The following MARCHF8 variants were observed in gnomAD, a reference collection of about 807,000 sequenced individuals.
MARCHF8 encodes the protein E3 ubiquitin-protein ligase MARCHF8.
A neutral mutation model predicts 51.6 loss-of-function variants in MARCHF8; 40 were observed. The observed-to-expected ratio is 0.77, with a 90% CI of 0.60 to 1.01. The LOEUF (loss-of-function observed/expected upper bound fraction) is 1.01, where lower values mean the gene tolerates loss of function less well. Ranked by LOEUF, MARCHF8 falls within the 50% of genes least tolerant of loss-of-function variation. The probability of loss-of-function intolerance (pLI) is 0.00; values close to 1 mark genes in which losing one functional copy is unlikely to be tolerated. For missense variants in MARCHF8, 685 were observed against 708.6 expected (o/e 0.97, Z 0.38); for synonymous variants, 263 against 280.3 (o/e 0.94, Z 0.62).
At chr10:45,567,150 T>C (rs573247963) in intron 1 of MARCHF8, among the ~76,000 whole-genome samples, 1 of 152,352 alleles carries the variant, frequency 6.6e-6, no homozygotes, top group African/African-American at 2.4e-5. Context: ...ATAGAGTTAG[T>C]AGAACTCCTT....
chr10:45,499,580 AT>A (rs2043240082), intron 2 of MARCHF8, among the ~76,000 whole-genome samples: 1 of 152,166 alleles, frequency 6.6e-6, no homozygotes, highest in Non-Finnish European at 1.5e-5. Flanking sequence ...TCTTAGATCC[AT>A]TTTGAGCTAA....
chr10:45,490,355 G>A (rs2043059437), intron 2 of MARCHF8, among the ~76,000 whole-genome samples: 1 of 152,112 alleles, frequency 6.6e-6, no homozygotes, highest in African/African-American at 2.4e-5. Context: ...TAATCCTAGT[G>A]GACTCTAATC....
intron 2 of MARCHF8, among the ~76,000 whole-genome samples, chr10:45,520,455 G>GA (rs1034413134): frequency 3.3e-5 from 5 of 152,112 alleles, no homozygotes; most frequent in African/African-American, 7.2e-5. Flanking sequence ...TCATACTGGG[G>GA]AAAAAAATCA....
intron 2 of MARCHF8, among the ~76,000 whole-genome samples, chr10:45,527,616 T>C (rs2043813925): frequency 1.3e-5 from 2 of 150,688 alleles, no homozygotes; most frequent in African/African-American, 4.9e-5. Context: ...GTAATAAAAA[T>C]AAAAAAAAAT....
intron 1 of MARCHF8, among the ~76,000 whole-genome samples, chr10:45,548,908 C>CT (rs1290981450): frequency 6.6e-6 from 1 of 151,224 alleles, no homozygotes; most frequent in Non-Finnish European, 1.5e-5. Flanking sequence ...GGCAAGAGAA[C>CT]TGCTTGAACC....
intron 2 of MARCHF8, among the ~76,000 whole-genome samples, chr10:45,495,235 A>G (rs1011721560): frequency 2.6e-5 from 4 of 152,102 alleles, no homozygotes; most frequent in Non-Finnish European, 5.9e-5. Flanking sequence ...CGTAAAAACT[A>G]TATCTCTTAA....
At chr10:45,488,144 A>T (rs1369244778) in intron 3 of MARCHF8, among the ~76,000 whole-genome samples, 1 of 152,142 alleles carries the variant, frequency 6.6e-6, no homozygotes, top group Non-Finnish European at 1.5e-5. Context: ...ACCACACCAC[A>T]GGTGAGGAGA....
rs765496356 is a variant in MARCHF8, at chr10:45,533,243, G to A, written c.-32C>T. The A allele has an allele frequency of 1.9e-6, 3 of 1,585,908 alleles. No individual in the cohort carries two copies. The highest frequency in any genetic ancestry group is 1.4e-5 in the African/African-American group (1 of 73,430). On this transcript the variant is annotated 5_prime_UTR_variant, in exon 2 of 8. Transcript: ENST00000453424. ...CTCTTATCTGGTCGTCTTCTTCACA[G>A]AAGAGAGTCTCCACTGGTAGAGTCA...
At chr10:45,482,192 A>G (rs2042900125) in intron 3 of MARCHF8, among the ~76,000 whole-genome samples, 1 of 152,230 alleles carries the variant, frequency 6.6e-6, no homozygotes, top group South Asian at 2.1e-4. Flanking sequence ...AAGATATCCC[A>G]CGTCCACGGA....
chr10:45,590,626 G>T (rs2044667719), intron 1 of MARCHF8, among the ~76,000 whole-genome samples: 1 of 152,052 alleles, frequency 6.6e-6, no homozygotes, highest in Non-Finnish European at 1.5e-5. Flanking sequence ...AAAGTTGCAG[G>T]AAAAAAAGTC....
At chr10:45,503,459 C>T (rs2043319016) in intron 2 of MARCHF8, among the ~76,000 whole-genome samples, 1 of 151,920 alleles carries the variant, frequency 6.6e-6, no homozygotes, top group Non-Finnish European at 1.5e-5. Context: ...TTGCTTGAGC[C>T]CGGGAGGCAG....
intron 3 of MARCHF8, among the ~76,000 whole-genome samples, chr10:45,470,967 T>C (rs564045654): frequency 1.3e-5 from 2 of 152,334 alleles, no homozygotes; most frequent in Admixed American, 6.5e-5. Context: ...AAAGAGGCCA[T>C]TCTGTGGCTT....
chr10:45,574,602 A>G (rs959815921), intron 1 of MARCHF8, among the ~76,000 whole-genome samples: 1 of 152,160 alleles, frequency 6.6e-6, no homozygotes, highest in Non-Finnish European at 1.5e-5. Flanking sequence ...CACCTCAGTC[A>G]AGCCAGTGTT....
intron 2 of MARCHF8, among the ~76,000 whole-genome samples, chr10:45,501,966 AT>A (rs934200052): frequency 3.9e-5 from 6 of 151,980 alleles, no homozygotes; most frequent in East Asian, 1.9e-4. Flanking sequence ...ATGGCTAAAA[AT>A]TTTTTTTTAA....
chr10:45,574,565 C>A (rs985173804), intron 1 of MARCHF8, among the ~76,000 whole-genome samples: 18 of 152,164 alleles, frequency 1.2e-4, no homozygotes, highest in Admixed American at 1.1e-3. Flanking sequence ...GGCTGTACTG[C>A]CACAAGGCTT....
intron 3 of MARCHF8, among the ~76,000 whole-genome samples, chr10:45,488,024 G>A (rs1420732196): frequency 6.6e-6 from 1 of 152,126 alleles, no homozygotes; most frequent in Admixed American, 6.5e-5. Flanking sequence ...GAGTCAATGT[G>A]TGGGCTGAGA....
chr10:45,483,787 C>T (rs1319737701), intron 3 of MARCHF8, among the ~76,000 whole-genome samples: 1 of 110,426 alleles, frequency 9.1e-6, no homozygotes, highest in East Asian at 2.2e-4. Context: ...AGGTCATTAG[C>T]CAGACACAGA....
rs2044396883 is a variant in MARCHF8 at position 45,568,893 on chromosome 10, C to A, written c.-79+25342G>T. Among the ~76,000 whole-genome samples the A allele has an allele frequency of 2.0e-5, 3 of 151,162 alleles. No homozygotes were observed. In the South Asian group the frequency reaches 6.3e-4, roughly 32 times the overall value. ...ACCATCTTGGCTAACACGGTAAAAC[C>A]CTGTCTCTACTAAAAATACAAAAAA... On this transcript the variant is annotated intron_variant, in intron 1 of 6. Coordinates refer to the MARCHF8 transcript ENST00000319836.
chr10:45,548,995 C>CAA (rs34591285), intron 1 of MARCHF8, among the ~76,000 whole-genome samples: 13 of 110,312 alleles, frequency 1.2e-4, no homozygotes, highest in African/African-American at 3.5e-4. Context: ...GACTCCATCT[C>CAA]AAAAAAAAAA....
Sources: gnomAD v4.1 joint callset for allele counts (sites outside exome capture counted in the v4.1 genomes callset) on GRCh38, gnomAD v4.1.1 for gene constraint, MANE v1.5 for transcripts, NCBI Gene and HGNC (gene_info 2026-07-23, HGNC 2026-07-21) for gene names.